The following CDH13 variants were observed in gnomAD, a reference collection of about 807,000 sequenced individuals.
CDH13 encodes the protein cadherin 13.
In CDH13, 24 loss-of-function variants were observed where a neutral mutation model predicts 63.8. That is an observed-to-expected ratio of 0.38 (90% CI 0.27 to 0.53). The LOEUF is 0.53. Among genes scored for constraint, CDH13 ranks in the 20% least tolerant of loss-of-function variants. The pLI, the probability that CDH13 is intolerant of heterozygous loss-of-function variation, is 0.85. For missense variants in CDH13, 1,049 were observed against 903.1 expected, an observed-to-expected ratio of 1.16 and a Z score of -2.07; for synonymous variants, 503 against 355.3, an observed-to-expected ratio of 1.42 and a Z score of -4.67.
chr16:83,159,027 C>A lies in CDH13; in HGVS notation c.483+33526C>A, dbSNP rs571730625. The stretch of plus-strand genomic sequence containing the variant: ...TGGTTTCCAAATTTATTTTCACTCA[C>A]AATTCCTACATAGTCAGACACCTTC... On this transcript the variant is annotated intron_variant, in intron 4 of 13. Transcript: ENST00000567109. Among the ~76,000 whole-genome samples the A allele has an allele frequency of 1.4e-4, 21 of 152,162 alleles. 1 individual carries two copies. The highest frequency in any genetic ancestry group is 6.3e-3 in the Middle Eastern group (2 of 316).
chr16:83,061,943 G>T (rs1472226877), intron 3 of CDH13, among the ~76,000 whole-genome samples: 1 of 152,200 alleles, frequency 6.6e-6, no homozygotes, highest in Non-Finnish European at 1.5e-5. Flanking sequence ...GAGGCTGTGA[G>T]AACTGTGATT....
chr16:83,206,098 A>T (rs2039174224), intron 4 of CDH13, among the ~76,000 whole-genome samples: 1 of 152,146 alleles, frequency 6.6e-6, no homozygotes, highest in Admixed American at 6.5e-5. Flanking sequence ...AGGGTGACTC[A>T]TACATGGCCT....
At chr16:83,517,767 A>T (rs2074732158) in intron 7 of CDH13, among the ~76,000 whole-genome samples, 1 of 152,238 alleles carries the variant, frequency 6.6e-6, no homozygotes, top group South Asian at 2.1e-4. Context: ...GAAGATGATT[A>T]GGAACAAAGT....
chr16:82,959,138 CACA>C (rs1448888530), intron 2 of CDH13, among the ~76,000 whole-genome samples: 2 of 152,308 alleles, frequency 1.3e-5, no homozygotes, highest in East Asian at 3.9e-4. Context: ...ATGGCACATA[CACA>C]ACAAGTAAAT....
At chr16:82,954,038 G>T (rs1451104101) in intron 2 of CDH13, 2 of 152,174 alleles carry the variant, frequency 1.3e-5, no homozygotes, top group African/African-American at 4.8e-5. Context: ...AGTTTATTTG[G>T]GAGGTAATGC....
intron 10 of CDH13, among the ~76,000 whole-genome samples, chr16:83,732,992 C>G (rs539476412): frequency 1.3e-5 from 2 of 152,326 alleles, no homozygotes; most frequent in African/African-American, 4.8e-5. Flanking sequence ...TCCCTGGGAG[C>G]TCGCTACCTT....
intron 6 of CDH13, among the ~76,000 whole-genome samples, chr16:83,478,995 A>G (rs4782799): frequency 0.99 from 151,521 of 152,322 alleles, 75,368 homozygotes; most frequent in Middle Eastern, 1. Context: ...TTCCAGGAAC[A>G]CATGCCCTGC....
At chr16:83,720,511 G>A (rs1909549010) in intron 10 of CDH13, among the ~76,000 whole-genome samples, 1 of 152,094 alleles carries the variant, frequency 6.6e-6, no homozygotes, top group Admixed American at 6.5e-5. Context: ...GGGAGGCTGA[G>A]GCAGGAAGAT....
At chr16:83,669,986 G>C (rs1914360497) in intron 8 of CDH13, among the ~76,000 whole-genome samples, 1 of 152,162 alleles carries the variant, frequency 6.6e-6, no homozygotes, top group African/African-American at 2.4e-5. Flanking sequence ...CTATCTATGA[G>C]AAAGTTGATT....
chr16:83,581,007 G>T (rs965123414), intron 7 of CDH13, among the ~76,000 whole-genome samples: 1 of 152,196 alleles, frequency 6.6e-6, no homozygotes, highest in Admixed American at 6.5e-5. Flanking sequence ...ATTACCCATA[G>T]ATGGTGCCAT....
chr16:82,695,481 A>T (rs561289724), intron 1 of CDH13, among the ~76,000 whole-genome samples: 1 of 152,082 alleles, frequency 6.6e-6, no homozygotes, highest in Non-Finnish European at 1.5e-5. Context: ...CGTGGCTCCA[A>T]TGGTGAGCAG....
intron 6 of CDH13, among the ~76,000 whole-genome samples, chr16:83,381,885 A>G (rs1005990496): frequency 3.9e-5 from 6 of 152,166 alleles, no homozygotes; most frequent in Non-Finnish European, 5.9e-5. Flanking sequence ...ATAAAATCAT[A>G]TGGATGACTT....
rs893214899 is a variant in CDH13 at position 83,797,804 on chromosome 16, T to C, written c.*2774T>C. On this transcript the variant is annotated 3_prime_UTR_variant, in exon 14 of 14. Coordinates refer to ENST00000567109, the MANE Select transcript of CDH13 (RefSeq NM_001257.5). ...AAATAGTCACACCTTCACTTCTTTT[T>C]ATTAATACTCAACCAACTTAGTTGA... 6.6e-6 allele frequency: 1 copy of C among 152,274 alleles called. No individual in the cohort carries two copies. 9.4% of individuals were successfully genotyped at this position (152,274 alleles called of 1,614,324 possible). A position where few individuals can be genotyped will look rare whatever the true frequency, so the allele number is the denominator to read the frequency against.
intron 1 of CDH13, among the ~76,000 whole-genome samples, chr16:82,649,337 G>T (rs998910912): frequency 1.6e-4 from 24 of 152,292 alleles, no homozygotes; most frequent in African/African-American, 5.5e-4. Context: ...ATGGATGATG[G>T]ATGGATACAT....
intron 10 of CDH13, among the ~76,000 whole-genome samples, chr16:83,734,727 T>TATAATAATAATAATA (rs61075767): frequency 0.17 from 24,499 of 141,586 alleles, 2,343 homozygotes; most frequent in Non-Finnish European, 0.21. Flanking sequence ...AAACTTAAAG[T>TATAATAATAATAATA]ATAATAATAA....
intron 6 of CDH13, among the ~76,000 whole-genome samples, chr16:83,440,825 G>A (rs2072460207): frequency 1.3e-5 from 2 of 150,592 alleles, no homozygotes; most frequent in South Asian, 2.1e-4. Flanking sequence ...GATTAATCCT[G>A]GTGCCCTTCT....
intron 3 of CDH13, among the ~76,000 whole-genome samples, chr16:83,097,761 G>A (rs1264648896): frequency 6.6e-6 from 1 of 152,204 alleles, no homozygotes; most frequent in Non-Finnish European, 1.5e-5. Flanking sequence ...TTGATCTAAA[G>A]TAGATGATTC....
chr16:83,207,165 C>G (rs137889080), intron 4 of CDH13, among the ~76,000 whole-genome samples: 5 of 152,250 alleles, frequency 3.3e-5, no homozygotes, highest in African/African-American at 1.2e-4. Context: ...CATTATTGTG[C>G]AACCATCATC....
rs1162612169 is a variant in CDH13, at chr16:83,799,377, G to A, written c.*4347G>A. 6.6e-6 allele frequency: 1 copy of A among 152,008 alleles called. No individual in the cohort carries two copies. The highest frequency in any genetic ancestry group is 1.9e-4 in the East Asian group (1 of 5,188). 9.4% of individuals were successfully genotyped at this position (152,008 alleles called of 1,614,324 possible). A position where few individuals can be genotyped will look rare whatever the true frequency, so the allele number is the denominator to read the frequency against. On this transcript the variant is annotated 3_prime_UTR_variant, in exon 14 of 14. Coordinates refer to ENST00000567109, the MANE Select transcript of CDH13 (RefSeq NM_001257.5). ...ACCCATTCACTACCAAACCAACTGA[G>A]GGGAGAGAAAACTGAGGGAGAAAGT...
Sources: allele counts gnomAD v4.1 joint callset (sites outside exome capture counted in the v4.1 genomes callset), GRCh38; gene constraint gnomAD v4.1.1; transcripts MANE v1.5; gene names NCBI Gene and HGNC (gene_info 2026-07-23, HGNC 2026-07-21).